Variants in ADAM7 observed in about 807,000 individuals in gnomAD.
The protein encoded by ADAM7 is disintegrin and metalloproteinase domain-containing protein 7.
ADAM7 carries 97 observed loss-of-function variants against 102.9 expected under a neutral mutation model. That is an observed-to-expected ratio of 0.94 (90% CI 0.80 to 1.12). The LOEUF (loss-of-function observed/expected upper bound fraction) is 1.12, where lower values mean the gene tolerates loss of function less well. Ranked by LOEUF, ADAM7 falls within the 50% of genes most tolerant of loss-of-function variation. ADAM7 has a pLI of 0.00. For synonymous variants in ADAM7, 334 were observed against 304.4 expected, an observed-to-expected ratio of 1.10 and a Z score of -1.01; for missense variants, 991 against 908.7, an observed-to-expected ratio of 1.09 and a Z score of -1.16.
chr8:24,447,380 T>A, intron 3 of ADAM7, 118 bp downstream of exon 3: 1 of 460,784 alleles, frequency 2.2e-6, no homozygotes, highest in South Asian at 5.6e-5. Context: ...AATCTGAATT[T>A]TTCCTCTTCA....
At chr8:24,442,427 G>T (rs761720958) in intron 1 of ADAM7, 46 bp from the exon 2 acceptor site, 11 of 1,320,656 alleles carry the variant, frequency 8.3e-6, no homozygotes, top group Non-Finnish European at 1.1e-5. Context: ...CGCTGTAGAC[G>T]AATGTTAATG....
intron 4 of ADAM7, 27 bp from the exon 5 acceptor site, chr8:24,465,672 T>C (rs761465689): frequency 6.4e-6 from 9 of 1,400,968 alleles, no homozygotes; most frequent in East Asian, 2.3e-5. Flanking sequence ...TTTATACATA[T>C]AGTAATAGAG....
At chr8:24,503,696 AT>A (rs1820842531) in intron 20 of ADAM7, among the ~76,000 whole-genome samples, 1 of 152,208 alleles carries the variant, frequency 6.6e-6, no homozygotes, top group Non-Finnish European at 1.5e-5. Flanking sequence ...CTATGCAGCC[AT>A]AAAAAAGGAT....
At chr8:24,450,351 G>C (rs1356435286) in intron 3 of ADAM7, among the ~76,000 whole-genome samples, 4 of 152,078 alleles carry the variant, frequency 2.6e-5, no homozygotes, top group African/African-American at 9.7e-5. Flanking sequence ...AGTTCTCCTT[G>C]AAGAGGTCCT....
At chr8:24,476,589 G>C in intron 8 of ADAM7, 85 bp downstream of exon 8, 2 of 1,053,292 alleles carry the variant, frequency 1.9e-6, no homozygotes, top group Non-Finnish European at 2.8e-6. Flanking sequence ...GACTATTGTA[G>C]TTACCTGATA....
chr8:24,474,672 C>T (rs1055468223), intron 7 of ADAM7, among the ~76,000 whole-genome samples: 1 of 152,046 alleles, frequency 6.6e-6, no homozygotes. Context: ...GGGAGGACTG[C>T]TTGAGACCAG....
At chr8:24,465,085 G>T (rs527858828) in intron 4 of ADAM7, among the ~76,000 whole-genome samples, 1 of 152,262 alleles carries the variant, frequency 6.6e-6, no homozygotes, top group East Asian at 1.9e-4. Context: ...ATGCCCAGCA[G>T]CAAATGTCAA....
chr8:24,476,451 C>A lies in ADAM7; in HGVS notation c.652C>A (p.Pro218Thr). 1 of 1,605,586 alleles carries A rather than the reference C, an allele frequency of 6.2e-7. No individual in the cohort carries two copies. The highest frequency in any genetic ancestry group is 8.5e-7 in the Non-Finnish European group (1 of 1,174,378). The change falls in exon 8 of 22, where the codon CCT (proline) becomes ACT (threonine). Residue 218 changes from proline to threonine, a missense_variant. Transcript: ENST00000175238. Reference sequence around the variant, plus strand: ...TTTCCAGTATCGCAGAAATGGTCATCCTCACAATAAACTAAGGAACCGAAT... The same window carrying A: ...TTTCCAGTATCGCAGAAATGGTCATACTCACAATAAACTAAGGAACCGAAT... Reference protein sequence around the residue: ...DDTVYRRNGHPHNKLRNRIWG... With the variant: ...DDTVYRRNGHTHNKLRNRIWG...
chr8:24,453,642 C>T (rs981281726), intron 3 of ADAM7, among the ~76,000 whole-genome samples: 3 of 152,244 alleles, frequency 2.0e-5, no homozygotes, highest in Non-Finnish European at 4.4e-5. Flanking sequence ...AAGCCTTCTT[C>T]TCTCACCTCG....
At chr8:24,467,841 G>A (rs527673670) in intron 6 of ADAM7, among the ~76,000 whole-genome samples, 2 of 152,086 alleles carry the variant, frequency 1.3e-5, no homozygotes, top group African/African-American at 2.4e-5. Flanking sequence ...GAGGCGGGCC[G>A]ATCATCTGAG....
intron 7 of ADAM7, among the ~76,000 whole-genome samples, chr8:24,470,867 A>G (rs1182709282): frequency 1.3e-5 from 2 of 152,324 alleles, no homozygotes; most frequent in African/African-American, 4.8e-5. Flanking sequence ...TTATTGATAT[A>G]TTTAAAAAGT....
At position 24,451,703 on chromosome 8, in the gene ADAM7, G is replaced by A. The variant is rs1818797505; in HGVS notation, c.233+4441G>A. 4.6e-5 allele frequency among the ~76,000 whole-genome samples: 7 copies of A among 151,144 alleles called. No homozygotes were observed. In the South Asian group the frequency reaches 1.3e-3, roughly 27 times the overall value. ...TTGCCTTCTGCTAGCTTTTGACTGT[G>A]TTTGCTCTTGCTTTTCTAGTTCTTT... is the stretch of plus-strand genomic sequence containing the variant. On this transcript the variant is annotated intron_variant, in intron 3 of 21. Transcript: ENST00000175238.
chr8:24,458,039 A>G (rs1585866083), intron 3 of ADAM7, among the ~76,000 whole-genome samples: 1 of 152,194 alleles, frequency 6.6e-6, no homozygotes, highest in Admixed American at 6.5e-5. Flanking sequence ...TCTCTATTCT[A>G]TCTTATTCAT....
At chr8:24,447,810 C>CA (rs1173136704) in intron 3 of ADAM7, among the ~76,000 whole-genome samples, 2 of 152,026 alleles carry the variant, frequency 1.3e-5, no homozygotes, top group Non-Finnish European at 2.9e-5. Flanking sequence ...CATTTCTACA[C>CA]AAAATAGCTC....
intron 3 of ADAM7, among the ~76,000 whole-genome samples, chr8:24,449,306 C>T (rs1054203003): frequency 6.6e-6 from 1 of 152,202 alleles, no homozygotes; most frequent in African/African-American, 2.4e-5. Flanking sequence ...ACATCCTCTC[C>T]AGCACCTGTT....
intron 3 of ADAM7, among the ~76,000 whole-genome samples, chr8:24,462,145 C>G (rs564146718): frequency 2.0e-4 from 30 of 152,276 alleles, no homozygotes; most frequent in Admixed American, 1.8e-3. Flanking sequence ...TGGAGATTAA[C>G]TTTGTTGGAC....
intron 7 of ADAM7, among the ~76,000 whole-genome samples, chr8:24,470,679 A>AC (rs1819574992): frequency 6.6e-6 from 1 of 152,200 alleles, no homozygotes; most frequent in Non-Finnish European, 1.5e-5. Context: ...ACAGTGCTTC[A>AC]CTCATGTGTC....
At chr8:24,489,740 A>G (rs1353262802) in intron 12 of ADAM7, among the ~76,000 whole-genome samples, 4 of 152,316 alleles carry the variant, frequency 2.6e-5, no homozygotes, top group Non-Finnish European at 5.9e-5. Flanking sequence ...GTTCCTGTTA[A>G]TAGAAAACTC....
At chr8:24,506,847 T>G (rs1820967988) in intron 20 of ADAM7, among the ~76,000 whole-genome samples, 1 of 152,022 alleles carries the variant, frequency 6.6e-6, no homozygotes, top group East Asian at 1.9e-4. Flanking sequence ...AATCTCTATC[T>G]CTACATCCTC....
Sources: gnomAD v4.1 joint callset for allele counts (sites outside exome capture counted in the v4.1 genomes callset) on GRCh38, gnomAD v4.1.1 for gene constraint, MANE v1.5 for transcripts, NCBI Gene and HGNC (gene_info 2026-07-23, HGNC 2026-07-21) for gene names.